Variants in SCUBE1 observed in about 807,000 individuals in gnomAD.
SCUBE1 encodes signal peptide, CUB domain and EGF like domain containing 1.
SCUBE1 carries 59 observed loss-of-function variants against 124.4 expected under a neutral mutation model. The observed-to-expected ratio is 0.47, with a 90% confidence interval of 0.38 to 0.59. The LOEUF (loss-of-function observed/expected upper bound fraction) is 0.59, where lower values mean the gene tolerates loss of function less well. Ranked by LOEUF, SCUBE1 falls within the 20% of genes least tolerant of loss-of-function variation. SCUBE1 has a pLI of 0.00. For missense variants in SCUBE1, 1,150 were observed against 1,371.2 expected (o/e 0.84, Z 2.55); for synonymous variants, 545 against 550.9 (o/e 0.99, Z 0.15).
chr22:43,338,133 G>T lies in SCUBE1; in HGVS notation c.220+971C>A, dbSNP rs530236079. ...CCCCCAGATGCCCAGTCCTGCCCCA[G>T]ACCCATGGGGTGAGGACGGCCATGC... On this transcript the variant is annotated intron_variant, in intron 2 of 21. Coordinates refer to ENST00000360835, the MANE Select transcript of SCUBE1 (RefSeq NM_173050.5). 9.8e-5 allele frequency among the ~76,000 whole-genome samples: 15 copies of T among 152,308 alleles called. 1 individual carries two copies. In the South Asian group the frequency reaches 2.9e-3, roughly 29 times the overall value.
At position 43,210,082 on chromosome 22, in the gene SCUBE1, C is replaced by T. The variant is rs185454240; in HGVS notation, c.2542G>A (p.Glu848Lys). 35 of 1,612,602 alleles carry T rather than the reference C, an allele frequency of 2.2e-5. No homozygotes were observed. The highest frequency in any genetic ancestry group is 1.0e-4 in the Admixed American group (6 of 59,976). Reference sequence around the variant, plus strand: ...ACCAGAACATCGCCGCACTCATCCTCGATGGGCAGGAAGATCTCAGGGACC... The same window carrying T: ...ACCAGAACATCGCCGCACTCATCCTTGATGGGCAGGAAGATCTCAGGGACC... ...IVVPEIFLPI[E>K]DECGDVLVMR... is the part of the protein sequence containing the mutation. Residue 848 changes from glutamate (E) to lysine (K), a missense_variant, in exon 19 of 22, where the codon GAG becomes AAG. Around this residue, in one of 3 missense-constraint regions of SCUBE1, gnomAD observed 757 missense variants for 840.9 expected, o/e 0.90. Coordinates refer to ENST00000360835, the MANE Select transcript of SCUBE1 (RefSeq NM_173050.5). The surrounding 1 kb of genome is among the most constrained non-coding windows in gnomAD (Gnocchi z 4.5).
chr22:43,312,113 G>A (rs942172246), intron 3 of SCUBE1, among the ~76,000 whole-genome samples: 1 of 152,176 alleles, frequency 6.6e-6, no homozygotes, highest in South Asian at 2.1e-4. Context: ...TTAGGTGAGA[G>A]GGTTTTTAGA....
At chr22:43,298,694 G>C (rs530961427) in intron 3 of SCUBE1, among the ~76,000 whole-genome samples, 34 of 152,094 alleles carry the variant, frequency 2.2e-4, no homozygotes, top group Non-Finnish European at 4.4e-4. Flanking sequence ...GCGTGATGCT[G>C]CCCTGTGACC....
intron 6 of SCUBE1, among the ~76,000 whole-genome samples, chr22:43,241,192 T>C (rs1050066605): frequency 6.6e-6 from 1 of 152,056 alleles, no homozygotes. Context: ...AGTTCACGAG[T>C]TGCCTCAGTC....
Position 43,222,762 on chromosome 22 carries a change from T to G in SCUBE1, c.1328-20A>C, listed in dbSNP as rs1601808057. The G allele has an allele frequency of 6.4e-7, 1 of 1,567,104 alleles. No homozygotes were observed. Among genetic ancestry groups the G allele is most frequent in the African/African-American group, 1.4e-5 (1 of 74,066 alleles). ...CCGAGTCTGCAGAGAAGCCGGTGGG[T>G]GAGGTGGGCCTGGTGCTCCTCCCTC... On this transcript the variant is annotated intron_variant, in intron 11 of 21. Coordinates refer to ENST00000360835, the MANE Select transcript of SCUBE1 (RefSeq NM_173050.5).
intron 6 of SCUBE1, among the ~76,000 whole-genome samples, chr22:43,243,244 C>T (rs961194738): frequency 1.3e-5 from 2 of 152,218 alleles, no homozygotes; most frequent in African/African-American, 2.4e-5. Flanking sequence ...GGATCCTCAC[C>T]GTGAGGTCTG....
intron 3 of SCUBE1, among the ~76,000 whole-genome samples, chr22:43,296,098 C>T (rs1353403071): frequency 1.3e-5 from 2 of 152,232 alleles, no homozygotes; most frequent in African/African-American, 2.4e-5. Flanking sequence ...CTAAGAGGAA[C>T]AGCAGAGCCA....
Position 43,200,138 on chromosome 22 carries a change from T to G in SCUBE1, c.*3859A>C, listed in dbSNP as rs1920980659. ...ACAGAGTTCCTCTGGTTCCCTGGGG[T>G]GCCATGCTCCATTAGGAGCTGACCC... On this transcript the variant is annotated 3_prime_UTR_variant, in exon 22 of 22. Coordinates refer to ENST00000360835, the MANE Select transcript of SCUBE1 (RefSeq NM_173050.5). 6.6e-6 allele frequency: 1 copy of G among 152,246 alleles called. No individual in the cohort carries two copies. Among genetic ancestry groups the G allele is most frequent in the African/African-American group, 2.4e-5 (1 of 41,462 alleles). The allele number at this position is 152,246 out of a possible 1,614,324, so 9.4% of individuals were successfully genotyped here. A position where few individuals can be genotyped will look rare whatever the true frequency, so the allele number is the denominator to read the frequency against.
intron 2 of SCUBE1, among the ~76,000 whole-genome samples, chr22:43,320,853 G>A (rs1408589708): frequency 6.6e-6 from 1 of 152,242 alleles, no homozygotes; most frequent in African/African-American, 2.4e-5. Context: ...TCGAATCCGT[G>A]GGATTCAAAC....
intron 3 of SCUBE1, among the ~76,000 whole-genome samples, chr22:43,298,191 T>G (rs570573317): frequency 1.3e-5 from 2 of 152,212 alleles, no homozygotes; most frequent in African/African-American, 4.8e-5. Flanking sequence ...TACACACGGG[T>G]CTTAGAGCTT....
At chr22:43,228,332 C>G (rs947125850) in intron 9 of SCUBE1, among the ~76,000 whole-genome samples, 2 of 152,306 alleles carry the variant, frequency 1.3e-5, no homozygotes, top group Middle Eastern at 3.4e-3. Flanking sequence ...CCCACCCTGC[C>G]CCGGCTCCAG....
chr22:43,311,966 A>G (rs1054362799), intron 3 of SCUBE1, among the ~76,000 whole-genome samples: 33 of 152,270 alleles, frequency 2.2e-4, no homozygotes, highest in Non-Finnish European at 7.3e-5. Context: ...TTTCAGGGTA[A>G]ATGGCCAAAG....
At chr22:43,301,200 C>A (rs1275813757) in intron 3 of SCUBE1, among the ~76,000 whole-genome samples, 1 of 152,178 alleles carries the variant, frequency 6.6e-6, no homozygotes, top group African/African-American at 2.4e-5. Flanking sequence ...TCCAGGGCTG[C>A]CACGGCTGGG....
At position 43,262,820 on chromosome 22, in the gene SCUBE1, G is replaced by A. The variant is rs1569000683; in HGVS notation, c.510C>T (p.Asp170=). The change falls in exon 5 of 22, where the codon GAC becomes GAT. Residue 170 remains aspartate, a synonymous_variant. Coordinates refer to ENST00000360835, the MANE Select transcript of SCUBE1 (RefSeq NM_173050.5). The part of the protein sequence containing the change: ...SNEGMNCMNK[D]HGCAHICRET... ...CCCGGCAGATGTGGGCACAGCCATGGTCTTTGTTCATGCAGTTCATACCCT... is the reference window on the plus strand; with the variant it reads ...CCCGGCAGATGTGGGCACAGCCATGATCTTTGTTCATGCAGTTCATACCCT... The A allele has an allele frequency of 3.1e-6, 5 of 1,614,150 alleles. No homozygotes were observed. The highest frequency in any genetic ancestry group is 1.6e-4 in the Middle Eastern group (1 of 6,062).
intron 13 of SCUBE1, 90 bp from the exon 14 acceptor site, chr22:43,220,677 G>A: frequency 1.3e-6 from 2 of 1,494,708 alleles, no homozygotes; most frequent in Non-Finnish European, 1.8e-6. Context: ...CCATTGGCAA[G>A]GACTTCCTGG....
rs1467494918 is a variant in SCUBE1, at chr22:43,320,173, G to A, written c.221-108C>T. On this transcript the variant is annotated intron_variant, in intron 2 of 21. Coordinates refer to ENST00000360835, the MANE Select transcript of SCUBE1 (RefSeq NM_173050.5). ...GAGTGATTAGGGGATGATTCAACAA[G>A]TATTCACTTCAGTCCTCCCTGGGAG... 5.8e-6 allele frequency: 8 copies of A among 1,368,126 alleles called. No homozygotes were observed. The East Asian group carries it at 1.9e-4, about 32-fold the overall frequency. The allele number at this position is 1,368,126 out of a possible 1,614,324, so 84.7% of individuals were successfully genotyped here. A position where few individuals can be genotyped will look rare whatever the true frequency, so the allele number is the denominator to read the frequency against.
chr22:43,198,775 G>C lies in SCUBE1; in HGVS notation c.*5222C>G, dbSNP rs1398196118. On this transcript the variant is annotated 3_prime_UTR_variant, in exon 22 of 22. Coordinates refer to ENST00000360835, the MANE Select transcript of SCUBE1 (RefSeq NM_173050.5). ...TCCCTGTGGGGCATGCACTGTGGCA[G>C]GCAAGGTGAGCAGGCTGTCCAGGGC... is the stretch of plus-strand genomic sequence containing the variant. 2.2e-6 allele frequency: 1 copy of C among 451,418 alleles called. No homozygotes were observed. The allele number at this position is 451,418 out of a possible 1,614,324, so 28.0% of individuals were successfully genotyped here. A position where few individuals can be genotyped will look rare whatever the true frequency, so the allele number is the denominator to read the frequency against.
At chr22:43,319,252 AAGAAG>A (rs1348754672) in intron 3 of SCUBE1, among the ~76,000 whole-genome samples, 8 of 152,244 alleles carry the variant, frequency 5.3e-5, no homozygotes, top group African/African-American at 1.9e-4. Context: ...GTGTCCTTAT[AAGAAG>A]AGAAGATTAG....
intron 2 of SCUBE1, among the ~76,000 whole-genome samples, chr22:43,321,131 G>A (rs1926536685): frequency 6.6e-6 from 1 of 152,228 alleles, no homozygotes; most frequent in African/African-American, 2.4e-5. Context: ...AGCACTAAGT[G>A]GAACCGGAAG....
Sources: gnomAD v4.1 joint callset for allele counts (sites outside exome capture counted in the v4.1 genomes callset) on GRCh38, gnomAD v4.1.1 for gene constraint, gnomAD v4.1.1 regional missense constraint, Gnocchi (gnomAD v3.1) non-coding constraint, MANE v1.5 for transcripts, NCBI Gene and HGNC (gene_info 2026-07-23, HGNC 2026-07-21) for gene names.